PVALB: variants seen among roughly 807,000 people sequenced by gnomAD.
PVALB encodes the protein parvalbumin alpha.
A neutral mutation model predicts 10.9 loss-of-function variants in PVALB; 11 were observed. That is an observed-to-expected ratio of 1.01 (90% CI 0.63 to 1.67). The LOEUF (loss-of-function observed/expected upper bound fraction) is 1.67. Among genes scored for constraint, PVALB ranks in the 40% most tolerant of loss-of-function variants. PVALB has a pLI of 0.00. For missense variants in PVALB, 131 were observed against 136.2 expected, an observed-to-expected ratio of 0.96 and a Z score of 0.19; for synonymous variants, 57 against 50.7, an observed-to-expected ratio of 1.12 and a Z score of -0.53.
At chr22:36,802,795 G>A (rs1271819184) in intron 3 of PVALB, among the ~76,000 whole-genome samples, 2 of 152,090 alleles carry the variant, frequency 1.3e-5, no homozygotes, top group Non-Finnish European at 2.9e-5. Flanking sequence ...GGGTGGGAGA[G>A]AGTGAGGGTC....
intron 3 of PVALB, among the ~76,000 whole-genome samples, chr22:36,807,227 A>G (rs781636625): frequency 7.2e-5 from 11 of 152,216 alleles, no homozygotes; most frequent in Non-Finnish European, 1.3e-4. Flanking sequence ...AAGGACTTCT[A>G]TGTGACTTTG....
At chr22:36,804,045 G>A (rs2145945669) in intron 3 of PVALB, among the ~76,000 whole-genome samples, 1 of 152,286 alleles carries the variant, frequency 6.6e-6, no homozygotes, top group East Asian at 1.9e-4. Context: ...GGGGCACTGA[G>A]TTTCTCTGTC....
intron 3 of PVALB, among the ~76,000 whole-genome samples, chr22:36,803,565 AGATG>A (rs75790163): frequency 6.7e-6 from 1 of 149,998 alleles, no homozygotes; most frequent in East Asian, 2.0e-4. Flanking sequence ...GATGGGGGGT[AGATG>A]GATGGATGGA....
chr22:36,818,070 G>A (rs1939176302), upstream of PVALB, among the ~76,000 whole-genome samples: 1 of 152,158 alleles, frequency 6.6e-6, no homozygotes, highest in Admixed American at 6.5e-5. Flanking sequence ...GTTTCAAGCT[G>A]CAACCAGCTG....
chr22:36,813,815 G>T (rs779307091), intron 2 of PVALB, 60 bp from the exon 3 acceptor site: 12 of 1,274,410 alleles, frequency 9.4e-6, no homozygotes, highest in Non-Finnish European at 1.4e-5. Context: ...CTTGCAGGAC[G>T]CTGGATGGAG....
intron 3 of PVALB, among the ~76,000 whole-genome samples, chr22:36,811,967 G>A (rs1198078929): frequency 2.0e-5 from 3 of 152,124 alleles, no homozygotes; most frequent in Non-Finnish European, 4.4e-5. Flanking sequence ...GACCTGGATA[G>A]GGATTCTCCA....
At chr22:36,803,066 T>C (rs1032237773) in intron 3 of PVALB, among the ~76,000 whole-genome samples, 12 of 152,214 alleles carry the variant, frequency 7.9e-5, no homozygotes, top group African/African-American at 2.7e-4. Context: ...CGAATGCCAA[T>C]GTGGGAAGCA....
intron 3 of PVALB, among the ~76,000 whole-genome samples, chr22:36,809,364 T>C (rs1939011450): frequency 6.6e-6 from 1 of 152,198 alleles, no homozygotes; most frequent in Admixed American, 6.5e-5. Flanking sequence ...AAGTTCCTGC[T>C]CAGTGGACCT....
chr22:36,818,088 A>C (rs529376028), upstream of PVALB, among the ~76,000 whole-genome samples: 1 of 152,058 alleles, frequency 6.6e-6, no homozygotes, highest in South Asian at 2.1e-4. Context: ...CTGCTTCTAG[A>C]GTGTGTGAGC....
At chr22:36,800,997 T>G in intron 3 of PVALB, 79 bp from the exon 4 acceptor site, 11 of 1,385,810 alleles carry the variant, frequency 7.9e-6, no homozygotes, top group African/African-American at 1.4e-5. Flanking sequence ...TGCGGGGCCC[T>G]GGGTGGTGCT....
intron 3 of PVALB, among the ~76,000 whole-genome samples, chr22:36,805,075 A>G (rs1244935773): frequency 6.6e-6 from 1 of 152,210 alleles, no homozygotes; most frequent in Non-Finnish European, 1.5e-5. Context: ...TGGCTTTGCC[A>G]TCTGCTGCTG....
rs1432387066 is a variant in PVALB, at chr22:36,813,691, T to C, written c.259A>G (p.Met87Val). 2.5e-6 allele frequency: 4 copies of C among 1,613,970 alleles called. No homozygotes were observed. The Admixed American group carries it at 6.7e-5, about 27-fold the overall frequency. Residue 87 changes from methionine to valine, a missense_variant, in exon 3 of 4, where the codon ATG becomes GTG. Coordinates refer to ENST00000417718, the MANE Select transcript of PVALB (RefSeq NM_001315532.2). ...DLSAKETKML[M>V]AAGDKDGDGK... ...TCCCCATCTTTGTCTCCAGCAGCCA[T>C]CAGCATCTTGGTTTCTTTAGCAGAC...
At chr22:36,802,203 T>C (rs1938875997) in intron 3 of PVALB, among the ~76,000 whole-genome samples, 1 of 152,162 alleles carries the variant, frequency 6.6e-6, no homozygotes. Flanking sequence ...CAGGACTCTC[T>C]GTACTATCAT....
intron 3 of PVALB, among the ~76,000 whole-genome samples, chr22:36,801,989 G>T (rs1569089296): frequency 6.6e-6 from 1 of 151,936 alleles, no homozygotes; most frequent in Non-Finnish European, 1.5e-5. Context: ...TAATTGCTTG[G>T]GTGAGACAAA....
chr22:36,805,483 T>C (rs1019879408), intron 3 of PVALB, among the ~76,000 whole-genome samples: 1 of 152,206 alleles, frequency 6.6e-6, no homozygotes, highest in Non-Finnish European at 1.5e-5. Flanking sequence ...TGGTATTTGT[T>C]AGCATCATCG....
chr22:36,816,143 G>T (rs1939135535), intron 1 of PVALB, among the ~76,000 whole-genome samples: 1 of 152,014 alleles, frequency 6.6e-6, no homozygotes, highest in Non-Finnish European at 1.5e-5. Flanking sequence ...AAGTTGCCCT[G>T]TCCACCTCCG....
At chr22:36,805,155 G>A (rs1015244778) in intron 3 of PVALB, among the ~76,000 whole-genome samples, 7 of 152,174 alleles carry the variant, frequency 4.6e-5, no homozygotes, top group African/African-American at 1.2e-4. Flanking sequence ...TCTAGAAGAC[G>A]CCTTTCCAGC....
intron 3 of PVALB, among the ~76,000 whole-genome samples, chr22:36,806,135 T>C (rs4820252): frequency 0.21 from 31,525 of 152,112 alleles, 3,874 homozygotes; most frequent in African/African-American, 0.34. Context: ...CAACTCTTAA[T>C]GTTGACAGGT....
At chr22:36,811,288 TAAATAAATA>T (rs1172718774) in intron 3 of PVALB, among the ~76,000 whole-genome samples, 2 of 91,988 alleles carry the variant, frequency 2.2e-5, no homozygotes, top group African/African-American at 6.5e-5. Flanking sequence ...AATAAATAAA[TAAATAAATA>T]AATAAATAAA....
Sources: gnomAD v4.1 joint callset for allele counts (sites outside exome capture counted in the v4.1 genomes callset) on GRCh38, gnomAD v4.1.1 for gene constraint, MANE v1.5 for transcripts, NCBI Gene and HGNC (gene_info 2026-07-23, HGNC 2026-07-21) for gene names.